HDGFL3: variants seen among roughly 807,000 people sequenced by gnomAD.
HDGFL3 encodes the protein hepatoma-derived growth factor-related protein 3.
A neutral mutation model predicts 27.6 loss-of-function variants in HDGFL3; 6 were observed. That is an observed-to-expected ratio of 0.22 (90% confidence interval 0.12 to 0.43). The LOEUF (loss-of-function observed/expected upper bound fraction) is 0.43. Ranked by LOEUF, HDGFL3 falls within the 20% of genes least tolerant of loss-of-function variation. HDGFL3 has a pLI of 1.00. For missense variants in HDGFL3, 207 were observed against 250.1 expected, an observed-to-expected ratio of 0.83 and a Z score of 1.16; for synonymous variants, 88 against 88.9, an observed-to-expected ratio of 0.99 and a Z score of 0.05.
At chr15:83,152,984 G>C (rs961856784) in intron 4 of HDGFL3, among the ~76,000 whole-genome samples, 1 of 148,016 alleles carries the variant, frequency 6.8e-6, no homozygotes, top group Non-Finnish European at 1.5e-5. Flanking sequence ...TCCTCGATAC[G>C]CAGTTCTTTT....
Position 83,131,974 on chromosome 15 carries a change from T to G in HDGFL3, c.*7296A>C, listed in dbSNP as rs532228936. Reference sequence around the variant, plus strand: ...GAAAATGAAAAAAAGCCAAAGCCAGTAGAGTTCATATAGTTAGGAACATAA... The same window carrying G: ...GAAAATGAAAAAAAGCCAAAGCCAGGAGAGTTCATATAGTTAGGAACATAA... On this transcript the variant is annotated 3_prime_UTR_variant, in exon 6 of 6. Transcript: ENST00000299633. The G allele has an allele frequency of 6.6e-6, 1 of 152,338 alleles. No homozygotes were observed. The highest frequency in any genetic ancestry group is 6.5e-5 in the Admixed American group (1 of 15,304). 9.4% of individuals were successfully genotyped at this position (152,338 alleles called of 1,614,324 possible).
Position 83,131,261 on chromosome 15 carries a change from A to G in HDGFL3, c.*8009T>C, listed in dbSNP as rs1437825608. The G allele has an allele frequency of 6.6e-6, 1 of 152,168 alleles. No individual in the cohort carries two copies. The highest frequency in any genetic ancestry group is 1.5e-5 in the Non-Finnish European group (1 of 68,060). The allele number at this position is 152,168 out of a possible 1,614,324, so 9.4% of individuals were successfully genotyped here. ...TACTGAAACATCTAGTAAACTCTCA[A>G]GAATCTATGCAACTTAGTAAGGGAA... On this transcript the variant is annotated 3_prime_UTR_variant, in exon 6 of 6. Transcript: ENST00000299633.
intron 5 of HDGFL3, among the ~76,000 whole-genome samples, chr15:83,150,766 A>G (rs1001451534): frequency 6.6e-6 from 1 of 152,174 alleles, no homozygotes; most frequent in Non-Finnish European, 1.5e-5. Context: ...TTAAATATCA[A>G]TATTCAAACA....
intron 1 of HDGFL3, among the ~76,000 whole-genome samples, chr15:83,205,968 G>C (rs2037710587): frequency 6.6e-6 from 1 of 152,170 alleles, no homozygotes. Flanking sequence ...TGATATCTGA[G>C]GTTGTTAGTG....
At chr15:83,203,797 T>C (rs2037681769) in intron 1 of HDGFL3, among the ~76,000 whole-genome samples, 1 of 151,598 alleles carries the variant, frequency 6.6e-6, no homozygotes, top group African/African-American at 2.4e-5. Flanking sequence ...TAGTTTCTTT[T>C]TGTGTTTATT....
intron 1 of HDGFL3, among the ~76,000 whole-genome samples, chr15:83,178,631 G>C (rs2037341939): frequency 6.6e-6 from 1 of 151,892 alleles, no homozygotes; most frequent in Non-Finnish European, 1.5e-5. Context: ...ATTCCAGCCT[G>C]GGTGACAGAG....
intron 4 of HDGFL3, among the ~76,000 whole-genome samples, chr15:83,151,995 G>T (rs2036969467): frequency 6.6e-6 from 1 of 152,226 alleles, no homozygotes; most frequent in African/African-American, 2.4e-5. Flanking sequence ...TCTAGAGGAA[G>T]ATGAAAATAC....
intron 5 of HDGFL3, among the ~76,000 whole-genome samples, chr15:83,148,551 T>A (rs1357310377): frequency 6.6e-6 from 1 of 151,122 alleles, no homozygotes; most frequent in Non-Finnish European, 1.5e-5. Context: ...GAACCTGGGA[T>A]GCAGAGCTTG....
At chr15:83,115,696 A>C in exon 4 of HDGFL3, 1 of 711,520 alleles carries the variant, frequency 1.4e-6, no homozygotes, top group South Asian at 1.5e-5. Flanking sequence ...GGGTGTGTAG[A>C]AGGGGTATTC....
At chr15:83,127,522 G>A, downstream of HDGFL3, 1 of 1,605,316 alleles carries the variant, frequency 6.2e-7, no homozygotes, top group Non-Finnish European at 8.5e-7. Flanking sequence ...TGGTCTAGGT[G>A]TCAATTGTTG....
chr15:83,201,236 AAAAAT>A (rs1303879042), intron 1 of HDGFL3, among the ~76,000 whole-genome samples: 1 of 152,162 alleles, frequency 6.6e-6, no homozygotes, highest in Non-Finnish European at 1.5e-5. Flanking sequence ...TTTATAAAAT[AAAAAT>A]AAATTATGAG....
intron 1 of HDGFL3, among the ~76,000 whole-genome samples, chr15:83,205,672 G>A (rs2037707526): frequency 6.6e-6 from 1 of 152,198 alleles, no homozygotes; most frequent in African/African-American, 2.4e-5. Context: ...TGACCAACTA[G>A]TAACGGTAAC....
rs1046787027 is a variant in HDGFL3 at position 83,133,613 on chromosome 15, A to C, written c.*5657T>G. The stretch of plus-strand genomic sequence containing the variant: ...GAGAAATTTCTAGGATCAACAACTC[A>C]TATCTGTAATCCTGGGCCTCCTGTT... On this transcript the variant is annotated 3_prime_UTR_variant, in exon 6 of 6. Transcript: ENST00000299633. 1 of 152,218 alleles carries C rather than the reference A, an allele frequency of 6.6e-6. No individual in the cohort carries two copies. The highest frequency in any genetic ancestry group is 2.4e-5 in the African/African-American group (1 of 41,446). 9.4% of individuals were successfully genotyped at this position (152,218 alleles called of 1,614,324 possible). A position where few individuals can be genotyped will look rare whatever the true frequency, so the allele number is the denominator to read the frequency against.
chr15:83,150,550 G>C (rs2036951143), intron 5 of HDGFL3, among the ~76,000 whole-genome samples: 2 of 152,148 alleles, frequency 1.3e-5, no homozygotes, highest in African/African-American at 4.8e-5. Context: ...GCTGAAACCA[G>C]ATAAATTTCT....
intron 1 of HDGFL3, among the ~76,000 whole-genome samples, chr15:83,166,489 T>G (rs145649642): frequency 2.0e-5 from 3 of 152,242 alleles, no homozygotes; most frequent in Non-Finnish European, 4.4e-5. Context: ...AAAAGAATAA[T>G]ACCTGTTATC....
intron 1 of HDGFL3, among the ~76,000 whole-genome samples, chr15:83,206,595 G>A (rs139288395): frequency 4.6e-5 from 7 of 152,260 alleles, no homozygotes; most frequent in African/African-American, 1.4e-4. Context: ...TGTAGCAGGA[G>A]GCCAAGAATA....
At position 83,129,132 on chromosome 15, in the gene HDGFL3, G is replaced by C. The variant is rs2036020065; in HGVS notation, c.*10138C>G. 1 of 152,024 alleles carries C rather than the reference G, an allele frequency of 6.6e-6. No homozygotes were observed. The highest frequency in any genetic ancestry group is 1.5e-5 in the Non-Finnish European group (1 of 68,034). 9.4% of individuals were successfully genotyped at this position (152,024 alleles called of 1,614,324 possible). On this transcript the variant is annotated 3_prime_UTR_variant, in exon 6 of 6. Transcript: ENST00000299633. ...GGTGTGAGCCACCACACCCAACCAG[G>C]TCCAGTTAGTTTTACTCCAGTGATT... is the stretch of plus-strand genomic sequence containing the variant.
At chr15:83,189,016 C>T (rs2037479049) in intron 1 of HDGFL3, among the ~76,000 whole-genome samples, 1 of 152,152 alleles carries the variant, frequency 6.6e-6, no homozygotes, top group South Asian at 2.1e-4. Flanking sequence ...ATTCCTCCCC[C>T]TCACAGACAT....
At chr15:83,184,566 C>G (rs944618565) in intron 1 of HDGFL3, 1 of 152,116 alleles carries the variant, frequency 6.6e-6, no homozygotes, top group African/African-American at 2.4e-5. Flanking sequence ...CTATTCTAAT[C>G]TGAAATAAGG....
Sources: gnomAD v4.1 joint callset for allele counts (sites outside exome capture counted in the v4.1 genomes callset) on GRCh38, gnomAD v4.1.1 for gene constraint, MANE v1.5 for transcripts, NCBI Gene and HGNC (gene_info 2026-07-23, HGNC 2026-07-21) for gene names.